HK1: variants seen among roughly 807,000 people sequenced by gnomAD.
HK1 encodes hexokinase-1.
Under a neutral mutation model 91.6 loss-of-function variants are expected in HK1, and 28 were observed. The observed-to-expected ratio is 0.31, with a 90% confidence interval of 0.23 to 0.42. The LOEUF (loss-of-function observed/expected upper bound fraction) is 0.42. Ranked by LOEUF, HK1 falls within the 10% of genes least tolerant of loss-of-function variation. HK1 has a pLI of 1.00. For missense variants in HK1, 770 were observed against 1,219.8 expected (o/e 0.63, Z 5.49); for synonymous variants, 430 against 468.1 (o/e 0.92, Z 1.05).
chr10:69,401,460 G>A lies in HK1; in HGVS notation c.*325G>A, dbSNP rs1840387733. ...ACAGAGTTATTTATTGGCTGGAGATGGAAAATCACACCACCTGACAGGCCT... is the reference window on the plus strand; with the variant it reads ...ACAGAGTTATTTATTGGCTGGAGATAGAAAATCACACCACCTGACAGGCCT... On this transcript the variant is annotated 3_prime_UTR_variant, in exon 18 of 18. Transcript: ENST00000359426. 1 of 414,496 alleles carries A rather than the reference G, an allele frequency of 2.4e-6. No individual in the cohort carries two copies. The highest frequency in any genetic ancestry group is 4.5e-6 in the Non-Finnish European group (1 of 220,482). 25.7% of individuals were successfully genotyped at this position (414,496 alleles called of 1,614,324 possible). A position where few individuals can be genotyped will look rare whatever the true frequency, so the allele number is the denominator to read the frequency against.
intron 1 of HK1, among the ~76,000 whole-genome samples, chr10:69,323,244 CAA>C (rs376198465): frequency 2.9e-4 from 27 of 92,326 alleles, no homozygotes; most frequent in Non-Finnish European, 2.5e-4. Flanking sequence ...AACTCTGTCT[CAA>C]AAAAAAAAAA....
chr10:69,321,352 G>C (rs987294464), intron 1 of HK1, among the ~76,000 whole-genome samples: 10 of 152,074 alleles, frequency 6.6e-5, no homozygotes, highest in African/African-American at 2.2e-4. Flanking sequence ...TGCTCTTCTG[G>C]GGCCCAGGAT....
chr10:69,273,195 A>G (rs1844264118), intron 1 of HK1, among the ~76,000 whole-genome samples: 1 of 151,068 alleles, frequency 6.6e-6, no homozygotes, highest in Non-Finnish European at 1.5e-5. Flanking sequence ...ATGCCCAGCT[A>G]ACTTTTGTAT....
chr10:69,275,345 A>T lies in HK1; in HGVS notation c.-391+5237A>T, dbSNP rs1844383599. On this transcript the variant is annotated intron_variant, in intron 1 of 21. Transcript: ENST00000360289. The stretch of plus-strand genomic sequence containing the variant: ...AGACCAGCCTGAGCAACATGGCGAG[A>T]CCCCATCTCTACTAGATTAAAAAAT... Among the ~76,000 whole-genome samples, 3 of 152,004 alleles carry T rather than the reference A, an allele frequency of 2.0e-5. No homozygotes were observed. In the South Asian group the frequency reaches 6.2e-4, roughly 32 times the overall value.
chr10:69,374,638 T>C (rs1838987645), intron 7 of HK1, among the ~76,000 whole-genome samples: 1 of 152,202 alleles, frequency 6.6e-6, no homozygotes, highest in Non-Finnish European at 1.5e-5. Flanking sequence ...TGCTATTTGC[T>C]TGTTCTGCTG....
intron 8 of HK1, 81 bp from the exon 9 acceptor site, chr10:69,379,781 T>C (rs1839293875): frequency 2.0e-6 from 2 of 1,024,784 alleles, no homozygotes; most frequent in Admixed American, 1.7e-5. Context: ...GGGCTGTCCC[T>C]TTCCAGCACC....
chr10:69,378,558 T>C (rs1287113161), intron 8 of HK1, among the ~76,000 whole-genome samples: 2 of 152,150 alleles, frequency 1.3e-5, no homozygotes, highest in Non-Finnish European at 2.9e-5. Flanking sequence ...CCCCAAAATA[T>C]CTACAGACAA....
At chr10:69,285,663 A>G (rs1844996407) in intron 2 of HK1, among the ~76,000 whole-genome samples, 1 of 152,132 alleles carries the variant, frequency 6.6e-6, no homozygotes, top group Admixed American at 6.5e-5. Flanking sequence ...GATCTTGAAG[A>G]GGGAGAGAGG....
chr10:69,396,519 C>T (rs1840151350), intron 16 of HK1, among the ~76,000 whole-genome samples: 1 of 136,040 alleles, frequency 7.4e-6, no homozygotes, highest in Admixed American at 7.5e-5. Context: ...CCCCCCACCC[C>T]AGCAACCACC....
intron 2 of HK1, 117 bp downstream of exon 2, chr10:69,344,106 C>T (rs545698761): frequency 1.9e-6 from 2 of 1,041,632 alleles, no homozygotes; most frequent in Admixed American, 1.9e-5. Context: ...CATCAATCTG[C>T]TCTCCCATCC....
chr10:69,333,206 G>A (rs182137173), intron 1 of HK1, among the ~76,000 whole-genome samples: 63 of 152,338 alleles, frequency 4.1e-4, no homozygotes, highest in African/African-American at 1.4e-3. Flanking sequence ...GAGGTCTTTC[G>A]ATTTCTAGCT....
intron 4 of HK1, among the ~76,000 whole-genome samples, chr10:69,300,180 A>T (rs912432952): frequency 1.3e-5 from 2 of 151,460 alleles, no homozygotes; most frequent in Non-Finnish European, 2.9e-5. Context: ...TCACCCCCCA[A>T]AATCCCTTCA....
At chr10:69,307,523 A>C (rs1006972258) in intron 5 of HK1, among the ~76,000 whole-genome samples, 1 of 152,168 alleles carries the variant, frequency 6.6e-6, no homozygotes, top group Admixed American at 6.6e-5. Context: ...TAAATATTGC[A>C]TTTTGTCGGA....
intron 14 of HK1, chr10:69,389,528 C>G (rs991547813): frequency 3.6e-6 from 2 of 556,114 alleles, no homozygotes; most frequent in Admixed American, 2.5e-5. Flanking sequence ...TGCTTATGAT[C>G]AGACTGTCAA....
intron 2 of HK1, among the ~76,000 whole-genome samples, chr10:69,356,217 C>T (rs1260818268): frequency 1.3e-5 from 2 of 151,826 alleles, no homozygotes; most frequent in African/African-American, 2.4e-5. Flanking sequence ...AAGAGGATCA[C>T]TTGAGCGAAG....
chr10:69,367,102 TC>T (rs1296990824), intron 4 of HK1, among the ~76,000 whole-genome samples: 2 of 152,122 alleles, frequency 1.3e-5, no homozygotes, highest in Non-Finnish European at 2.9e-5. Context: ...GGGAATGACT[TC>T]CTGGGCACGA....
intron 7 of HK1, among the ~76,000 whole-genome samples, chr10:69,373,469 C>T (rs545697545): frequency 6.6e-6 from 1 of 152,274 alleles, no homozygotes; most frequent in South Asian, 2.1e-4. Context: ...CTTTTGGTTT[C>T]CTTGTCTCGC....
chr10:69,325,925 G>C (rs1446450366), intron 1 of HK1, among the ~76,000 whole-genome samples: 3 of 150,014 alleles, frequency 2.0e-5, no homozygotes, highest in East Asian at 2.0e-4. Context: ...ACCTCTGCCT[G>C]CCAGGTTCAA....
intron 2 of HK1, among the ~76,000 whole-genome samples, chr10:69,352,440 G>A (rs1452250692): frequency 2.0e-5 from 3 of 152,142 alleles, no homozygotes; most frequent in African/African-American, 7.2e-5. Flanking sequence ...CTGCTTCCCA[G>A]CATTCTCCCT....
Sources: gnomAD v4.1 joint callset for allele counts (sites outside exome capture counted in the v4.1 genomes callset) on GRCh38, gnomAD v4.1.1 for gene constraint, MANE v1.5 for transcripts, NCBI Gene and HGNC (gene_info 2026-07-23, HGNC 2026-07-21) for gene names.